The following ITIH3 variants were observed in gnomAD, a reference collection of about 807,000 sequenced individuals.
ITIH3 encodes inter-alpha-trypsin inhibitor heavy chain H3.
A neutral mutation model predicts 96.5 loss-of-function variants in ITIH3; 81 were observed. That is an observed-to-expected ratio of 0.84 (90% CI 0.70 to 1.01). The LOEUF (loss-of-function observed/expected upper bound fraction) is 1.01, where lower values mean the gene tolerates loss of function less well. Among genes scored for constraint, ITIH3 ranks in the 50% least tolerant of loss-of-function variants. The pLI, the probability that ITIH3 is intolerant of heterozygous loss-of-function variation, is 0.00. For synonymous variants in ITIH3, 422 were observed against 445.2 expected, an observed-to-expected ratio of 0.95 and a Z score of 0.66; for missense variants, 1,057 against 1,139.3, an observed-to-expected ratio of 0.93 and a Z score of 1.04.
chr3:52,796,334 C>T (rs142219381), intron 2 of ITIH3, 147 bp from the exon 3 acceptor site: 7,471 of 658,564 alleles, frequency 0.011, 72 homozygotes, highest in Non-Finnish European at 0.012. Flanking sequence ...GCCACCAAGT[C>T]TTCCAGTGTA....
chr3:52,799,147 G>C, intron 7 of ITIH3, 56 bp downstream of exon 7: 1 of 1,592,588 alleles, frequency 6.3e-7, no homozygotes, highest in Non-Finnish European at 8.6e-7. Context: ...TCGGGCGGGG[G>C]CTGCAGCTGG....
At chr3:52,805,033 G>T in intron 15 of ITIH3, 1 of 403,040 alleles carries the variant, frequency 2.5e-6, no homozygotes. Context: ...TAGTCCCATA[G>T]CAACCCTCCA....
chr3:52,802,416 A>G lies in ITIH3; in HGVS notation c.1466A>G (p.Gln489Arg). Residue 489 changes from glutamine to arginine, a missense_variant, in exon 12 of 22, where the codon CAG (glutamine) becomes CGG (arginine). Coordinates refer to ENST00000449956, the MANE Select transcript of ITIH3 (RefSeq NM_002217.4). ...GAGAACGCTATCCTGGACCTCACCC[A>G]GAACACTTACCAGCACTTCTACGAT... ...YPENAILDLT[Q>R]NTYQHFYDGS... 6.2e-7 allele frequency: 1 copy of G among 1,614,012 alleles called. No homozygotes were observed. The highest frequency in any genetic ancestry group is 2.2e-5 in the East Asian group (1 of 44,880).
chr3:52,807,705 G>C, intron 19 of ITIH3, 42 bp from the exon 20 acceptor site: 1 of 1,573,352 alleles, frequency 6.4e-7, no homozygotes. Flanking sequence ...CCAGTGTCAC[G>C]GCCACTGGGC....
intron 3 of ITIH3, 41 bp from the exon 4 acceptor site, chr3:52,796,698 C>T: frequency 6.2e-7 from 1 of 1,605,752 alleles, no homozygotes; most frequent in Non-Finnish European, 8.5e-7. Flanking sequence ...GGGGGTCTGG[C>T]CCAGTGTGAT....
chr3:52,798,416 C>T (rs1699678087), intron 6 of ITIH3, among the ~76,000 whole-genome samples: 1 of 152,228 alleles, frequency 6.6e-6, no homozygotes, highest in Non-Finnish European at 1.5e-5. Context: ...TCATCCAGGA[C>T]TTCCAGGGCG....
At chr3:52,806,257 C>G (rs1279871063) in intron 17 of ITIH3, 36 bp from the exon 18 acceptor site, 1 of 1,601,210 alleles carries the variant, frequency 6.2e-7, no homozygotes, top group Non-Finnish European at 8.5e-7. Flanking sequence ...TGATGAGAGG[C>G]CCCGGGAGTC....
At position 52,806,422 on chromosome 3, in the gene ITIH3, T is replaced by C. The variant is rs181064950; in HGVS notation, c.2056+16T>C. On this transcript the variant is annotated intron_variant, in intron 18 of 21. Transcript: ENST00000449956. ...GCAGTCACAGGTGAGGCTTGTGGGCTAGGGCCGGGGCCAGGGGGCTCTTCC... is the reference window on the plus strand; with the variant it reads ...GCAGTCACAGGTGAGGCTTGTGGGCCAGGGCCGGGGCCAGGGGGCTCTTCC... The C allele has an allele frequency of 3.3e-3, 5,300 of 1,598,498 alleles. 21 individuals are homozygous for C. Among genetic ancestry groups the C allele is most frequent in the South Asian group, 4.1e-3 (366 of 89,652 alleles).
rs1266565414 is a variant in ITIH3 at position 52,807,010 on chromosome 3, C to T, written c.2166C>T (p.Phe722=). ...KLGIANAQMD[F]QVEVTTEKIT... is the part of the protein sequence containing the mutation. ...GCATCGCCAATGCTCAGATGGACTTCCAGGTGGAGGTGACAACGGAGAAGA... is the reference window on the plus strand; with the variant it reads ...GCATCGCCAATGCTCAGATGGACTTTCAGGTGGAGGTGACAACGGAGAAGA... Residue 722 remains phenylalanine (F), a synonymous_variant, in exon 19 of 22, where the codon TTC becomes TTT. Coordinates refer to ENST00000449956, the MANE Select transcript of ITIH3 (RefSeq NM_002217.4). 7 of 1,600,904 alleles carry T rather than the reference C, an allele frequency of 4.4e-6. No homozygotes were observed. Among genetic ancestry groups the T allele is most frequent in the Non-Finnish European group, 6.0e-6 (7 of 1,173,970 alleles).
In ITIH3 at chr3:52,806,823, G is replaced by A. The variant is rs962907767; in HGVS notation, c.2057-78G>A. On this transcript the variant is annotated intron_variant, in intron 18 of 21. Transcript: ENST00000449956. ...CTGCCCCTCAGCCAGTCTGGTTGAA[G>A]AGGAAGGCACACCCCTAAAGGCAAT... The A allele has an allele frequency of 1.8e-5, 22 of 1,193,752 alleles. No individual in the cohort carries two copies. The South Asian group carries it at 2.5e-4, about 14-fold the overall frequency. The allele number at this position is 1,193,752 out of a possible 1,614,324, so 73.9% of individuals were successfully genotyped here.
At position 52,808,685 on chromosome 3, in the gene ITIH3, G is replaced by A; in HGVS notation, c.*4G>A. The A allele has an allele frequency of 6.2e-7, 1 of 1,601,244 alleles. No individual in the cohort carries two copies. The highest frequency in any genetic ancestry group is 1.7e-5 in the Admixed American group (1 of 59,856). Reference sequence around the variant, plus strand: ...CATTGTCCCCAACCTGTTTTGAGTAGACACACCAGCTCCTGTTGGGATGGA... The same window carrying A: ...CATTGTCCCCAACCTGTTTTGAGTAAACACACCAGCTCCTGTTGGGATGGA... On this transcript the variant is annotated 3_prime_UTR_variant, in exon 22 of 22. Transcript: ENST00000449956.
At chr3:52,807,623 T>C (rs1700103099) in intron 19 of ITIH3, 124 bp from the exon 20 acceptor site, 4 of 828,422 alleles carry the variant, frequency 4.8e-6, no homozygotes, top group Non-Finnish European at 7.5e-6. Flanking sequence ...CCTGAGATAG[T>C]TTCTGGAGTC....
chr3:52,804,689 A>T, intron 14 of ITIH3, 37 bp from the exon 15 acceptor site: 1 of 1,570,796 alleles, frequency 6.4e-7, no homozygotes, highest in Non-Finnish European at 8.6e-7. Flanking sequence ...ATGGCTTCTA[A>T]TGCATTTCTC....
Position 52,797,857 on chromosome 3 carries a change from T to A in ITIH3, c.590T>A (p.Leu197Gln). Residue 197 changes from leucine (L) to glutamine (Q), a missense_variant, in exon 6 of 22, where the codon CTG becomes CAG. Leu to Gln is a moderately radical substitution (Grantham distance 113). Transcript: ENST00000449956. ...DIFEPQGISM[L>Q]DAEASFITND... ...TTCGAGCCTCAGGGAATCAGCATGC[T>A]GGATGCTGAGGCCTCTTTCATCACC... 6.2e-7 allele frequency: 1 copy of A among 1,610,114 alleles called. No homozygotes were observed. Among genetic ancestry groups the A allele is most frequent in the South Asian group, 1.1e-5 (1 of 89,862 alleles).
In ITIH3 at chr3:52,801,039, G is replaced by A. The variant is rs750146938; in HGVS notation, c.1276G>A (p.Gly426Ser). The A allele has an allele frequency of 2.3e-5, 37 of 1,613,954 alleles. No individual in the cohort carries two copies. In the South Asian group the frequency reaches 3.7e-4, roughly 16 times the overall value. ...GGGCAAGTTCCCCTTGTATAACCTG[G>A]GCTTTGGCAACAATCTGAATTATAA... ...IGGKFPLYNL[G>S]FGNNLNYNFL... is the part of the protein sequence containing the mutation. Residue 426 changes from glycine (G) to serine (S), a missense_variant, in exon 11 of 22, where the codon GGC becomes AGC. By Grantham distance (56) the Gly-to-Ser change is moderately conservative. Transcript: ENST00000449956.
At chr3:52,797,750 T>C (rs1318717748) in intron 5 of ITIH3, 67 bp from the exon 6 acceptor site, 15 of 973,714 alleles carry the variant, frequency 1.5e-5, no homozygotes, top group Non-Finnish European at 2.1e-5. Context: ...CTCATTCCCA[T>C]TGGCCTTGTT....
At position 52,795,536 on chromosome 3, in the gene ITIH3, AG is replaced by A. The variant is rs1474930016; in HGVS notation, c.94-65del. 30 of 1,550,226 alleles carry A rather than the reference AG, an allele frequency of 1.9e-5. No individual in the cohort carries two copies. The Admixed American group carries it at 5.2e-4, about 27-fold the overall frequency. On this transcript the variant is annotated intron_variant, in intron 1 of 21. Coordinates refer to ENST00000449956, the MANE Select transcript of ITIH3 (RefSeq NM_002217.4). ...CCCTGGTCTCAGCCCAGAGCCTCCC[AG>A]GCCATGCGGCCTTGGTGTTGGCCTT... is the stretch of plus-strand genomic sequence containing the variant.
intron 6 of ITIH3, 122 bp downstream of exon 6, chr3:52,798,052 A>G (rs1699665015): frequency 3.1e-6 from 2 of 640,812 alleles, no homozygotes; most frequent in South Asian, 3.8e-5. Flanking sequence ...GGGGCTGGGG[A>G]TCAATCTGCA....
At chr3:52,798,819 C>T in intron 6 of ITIH3, 147 bp from the exon 7 acceptor site, 2 of 961,626 alleles carry the variant, frequency 2.1e-6, no homozygotes, top group Middle Eastern at 3.1e-4. Flanking sequence ...GGCAGGGCTG[C>T]CCAGGCCTCC....
Sources: allele counts gnomAD v4.1 joint callset (sites outside exome capture counted in the v4.1 genomes callset), GRCh38; gene constraint gnomAD v4.1.1; transcripts MANE v1.5; gene names NCBI Gene and HGNC (gene_info 2026-07-23, HGNC 2026-07-21).